The following FRMPD2 variants were observed in gnomAD, a reference collection of about 807,000 sequenced individuals.
The protein encoded by FRMPD2 is FERM and PDZ domain containing 2, also known as FERM and PDZ domain-containing protein 2.
In FRMPD2, 96 loss-of-function variants were observed where a neutral mutation model predicts 140.1. That is an observed-to-expected ratio of 0.69 (90% CI 0.58 to 0.81). The LOEUF is 0.81. Ranked by LOEUF, FRMPD2 falls within the 40% of genes least tolerant of loss-of-function variation. FRMPD2 has a pLI of 0.00. For missense variants in FRMPD2, 1,240 were observed against 1,447.4 expected (o/e 0.86, Z 2.32); for synonymous variants, 449 against 547.6 (o/e 0.82, Z 2.52).
At chr10:48,274,445 G>T in intron 1 of FRMPD2, 98 bp downstream of exon 1, 2 of 1,066,256 alleles carry the variant, frequency 1.9e-6, no homozygotes, top group Non-Finnish European at 2.9e-6. Flanking sequence ...TCCTTGCCCA[G>T]CTGTGTTCTT....
At chr10:48,240,208 T>C (rs1840071878) in intron 6 of FRMPD2, 152 bp downstream of exon 6, 3 of 784,986 alleles carry the variant, frequency 3.8e-6, no homozygotes, top group South Asian at 1.9e-5. Flanking sequence ...AGTCCTAAGC[T>C]CAGCCCCTTC....
At chr10:48,182,748 G>A (rs1296202694) in intron 20 of FRMPD2, among the ~76,000 whole-genome samples, 2 of 152,230 alleles carry the variant, frequency 1.3e-5, no homozygotes. Context: ...AGCAGACCTC[G>A]AGTACTGCTT....
chr10:48,191,219 A>G (rs1348797785), intron 16 of FRMPD2, among the ~76,000 whole-genome samples: 2 of 152,146 alleles, frequency 1.3e-5, no homozygotes, highest in Non-Finnish European at 2.9e-5. Context: ...CTACTCACGG[A>G]GAGAGAGGGG....
chr10:48,220,979 A>G (rs1428138316), intron 12 of FRMPD2, among the ~76,000 whole-genome samples: 1 of 152,240 alleles, frequency 6.6e-6, no homozygotes, highest in Non-Finnish European at 1.5e-5. Context: ...GAACACTTTT[A>G]TACTGCTGGT....
chr10:48,259,635 AGTGT>A (rs144847579), intron 1 of FRMPD2, among the ~76,000 whole-genome samples: 11,242 of 148,440 alleles, frequency 0.076, 627 homozygotes, highest in African/African-American at 0.15. Context: ...TGTGTGTGTA[AGTGT>A]GTGTGTGTGT....
At chr10:48,238,267 A>T in intron 7 of FRMPD2, 144 bp from the exon 8 acceptor site, 1 of 833,564 alleles carries the variant, frequency 1.2e-6, no homozygotes, top group Non-Finnish European at 1.8e-6. Context: ...GGGGAGTTAT[A>T]TCCATTTTTC....
intron 12 of FRMPD2, among the ~76,000 whole-genome samples, chr10:48,214,362 C>T (rs1839397259): frequency 6.6e-6 from 1 of 152,080 alleles, no homozygotes; most frequent in African/African-American, 2.4e-5. Flanking sequence ...TGTCTTTATA[C>T]ATTTGTCAAA....
intron 15 of FRMPD2, among the ~76,000 whole-genome samples, chr10:48,200,722 T>A (rs1418031707): frequency 6.6e-6 from 1 of 152,242 alleles, no homozygotes; most frequent in Non-Finnish European, 1.5e-5. Flanking sequence ...CTTAGCACCC[T>A]ATCATGTACA....
At chr10:48,179,881 C>T (rs573896312) in intron 21 of FRMPD2, among the ~76,000 whole-genome samples, 21 of 152,288 alleles carry the variant, frequency 1.4e-4, no homozygotes, top group African/African-American at 4.6e-4. Context: ...GAGGATAGGT[C>T]GTGGGAGACC....
intron 7 of FRMPD2, among the ~76,000 whole-genome samples, chr10:48,239,060 G>A (rs192200901): frequency 3.5e-4 from 53 of 152,178 alleles, no homozygotes; most frequent in African/African-American, 1.2e-3. Flanking sequence ...CCATTGTCAC[G>A]AGAACAATCC....
At chr10:48,267,011 G>T (rs1476944016) in intron 1 of FRMPD2, among the ~76,000 whole-genome samples, 2 of 139,954 alleles carry the variant, frequency 1.4e-5, no homozygotes, top group Non-Finnish European at 2.9e-5. Flanking sequence ...GAGACTGAGT[G>T]GGGGGTCTAG....
chr10:48,249,591 G>A (rs1374188452), intron 2 of FRMPD2, among the ~76,000 whole-genome samples: 1 of 152,206 alleles, frequency 6.6e-6, no homozygotes, highest in African/African-American at 2.4e-5. Context: ...GAAGGCACAG[G>A]TGCACAGCCT....
chr10:48,174,163 A>G (rs1838342980), intron 24 of FRMPD2, among the ~76,000 whole-genome samples: 1 of 152,100 alleles, frequency 6.6e-6, no homozygotes, highest in African/African-American at 2.4e-5. Context: ...AGCTTGCTGG[A>G]AGGGCCTTCA....
At chr10:48,243,892 C>T (rs975533758) in intron 4 of FRMPD2, among the ~76,000 whole-genome samples, 1 of 152,224 alleles carries the variant, frequency 6.6e-6, no homozygotes, top group Non-Finnish European at 1.5e-5. Context: ...GCACCAGTCT[C>T]TAAGGAATTG....
intron 25 of FRMPD2, among the ~76,000 whole-genome samples, chr10:48,172,458 C>T (rs1317095789): frequency 6.6e-6 from 1 of 152,312 alleles, no homozygotes; most frequent in African/African-American, 2.4e-5. Flanking sequence ...GGCAGCCCAT[C>T]GGAAAACGTG....
chr10:48,239,992 C>T (rs560684144), intron 6 of FRMPD2, among the ~76,000 whole-genome samples: 76 of 152,100 alleles, frequency 5.0e-4, no homozygotes, highest in Non-Finnish European at 9.9e-4. Context: ...AAGTAGAGAA[C>T]AGTAGATTTG....
chr10:48,248,388 G>T (rs987626306), intron 3 of FRMPD2, among the ~76,000 whole-genome samples: 2 of 152,152 alleles, frequency 1.3e-5, no homozygotes, highest in Non-Finnish European at 2.9e-5. Flanking sequence ...CAGACACTTT[G>T]GTGTATGTAT....
chr10:48,195,241 G>T (rs1403696276), intron 15 of FRMPD2, among the ~76,000 whole-genome samples: 5 of 152,298 alleles, frequency 3.3e-5, no homozygotes, highest in Admixed American at 2.6e-4. Context: ...CTGAGCAAAG[G>T]CCCATGGGCC....
intron 12 of FRMPD2, among the ~76,000 whole-genome samples, chr10:48,213,928 C>T (rs765615980): frequency 1.5e-4 from 23 of 152,298 alleles, no homozygotes; most frequent in Non-Finnish European, 2.5e-4. Context: ...CCAACTAAAT[C>T]AGAGACCGGG....
Sources: allele counts gnomAD v4.1 joint callset (sites outside exome capture counted in the v4.1 genomes callset), GRCh38; gene constraint gnomAD v4.1.1; transcripts MANE v1.5; gene names NCBI Gene and HGNC (gene_info 2026-07-23, HGNC 2026-07-21).